ZNF385D: variants seen among roughly 807,000 people sequenced by gnomAD.
ZNF385D encodes the protein zinc finger protein 385D, also known as zinc finger protein 659.
Under a neutral mutation model 35.8 loss-of-function variants are expected in ZNF385D, and 15 were observed. The ratio of observed to expected loss-of-function variants is 0.42; its 90% CI spans 0.28 to 0.64. The LOEUF (loss-of-function observed/expected upper bound fraction) is 0.64, where lower values mean the gene tolerates loss of function less well. ZNF385D is among the 30% of genes least tolerant of loss of function. The probability of loss-of-function intolerance (pLI) is 0.23; values close to 1 mark genes in which losing one functional copy is unlikely to be tolerated. For synonymous variants in ZNF385D, 212 were observed against 186.8 expected (o/e 1.13, Z -1.10); for missense variants, 474 against 494.6 (o/e 0.96, Z 0.39).
intron 3 of ZNF385D, among the ~76,000 whole-genome samples, chr3:22,106,211 G>A (rs1702204994): frequency 6.6e-6 from 1 of 152,068 alleles, no homozygotes; most frequent in African/African-American, 2.4e-5. Context: ...TAAATATTAG[G>A]TTGTAAGGAA....
At chr3:22,204,020 C>T (rs369758355) in intron 2 of ZNF385D, among the ~76,000 whole-genome samples, 1 of 152,176 alleles carries the variant, frequency 6.6e-6, no homozygotes, top group African/African-American at 2.4e-5. Context: ...GGTTACAGTG[C>T]ACCTTGGGTG....
chr3:22,139,931 T>G (rs1704398146), intron 3 of ZNF385D, among the ~76,000 whole-genome samples: 1 of 152,006 alleles, frequency 6.6e-6, no homozygotes, highest in Non-Finnish European at 1.5e-5. Flanking sequence ...ATGGCTAAAA[T>G]GAAAAGAATA....
intron 3 of ZNF385D, among the ~76,000 whole-genome samples, chr3:21,975,752 T>C (rs866461415): frequency 5.7e-4 from 60 of 106,176 alleles, no homozygotes; most frequent in East Asian, 2.8e-3. Context: ...TATATATATA[T>C]ATACACACAC....
At position 22,271,510 on chromosome 3, in the gene ZNF385D, C is replaced by A. The variant is rs1298670601; in HGVS notation, c.106+100940G>T. 2.6e-5 allele frequency among the ~76,000 whole-genome samples: 4 copies of A among 151,846 alleles called. No homozygotes were observed. The South Asian group carries it at 8.3e-4, about 32-fold the overall frequency. ...TTGGAGCAAAACCCAGGCTTCTTAC[C>A]AAGTCCCCATTTAATCGGGCCTCAG... On this transcript the variant is annotated intron_variant, in intron 2 of 5. Transcript: ENST00000494108.
chr3:22,084,011 A>C (rs1031204239), intron 3 of ZNF385D, among the ~76,000 whole-genome samples: 1 of 152,192 alleles, frequency 6.6e-6, no homozygotes, highest in Non-Finnish European at 1.5e-5. Context: ...GAAATAAAAT[A>C]CTTTACAGAC....
chr3:22,304,940 AT>A (rs1306642617), intron 2 of ZNF385D, among the ~76,000 whole-genome samples: 1 of 152,124 alleles, frequency 6.6e-6, no homozygotes. Context: ...TGATTAAAGC[AT>A]TAAGTGCTTA....
intron 2 of ZNF385D, among the ~76,000 whole-genome samples, chr3:22,253,059 A>T (rs1351598724): frequency 1.3e-5 from 2 of 152,064 alleles, no homozygotes; most frequent in African/African-American, 4.8e-5. Context: ...TAATTGATAG[A>T]TGTTGGAAGA....
At chr3:21,945,143 TGC>T (rs1491365577) in intron 3 of ZNF385D, among the ~76,000 whole-genome samples, 1 of 130,872 alleles carries the variant, frequency 7.6e-6, no homozygotes. Context: ...TATATGTATA[TGC>T]ATATATATAT....
At chr3:21,590,405 G>T (rs1006733282) in intron 2 of ZNF385D, among the ~76,000 whole-genome samples, 1 of 152,086 alleles carries the variant, frequency 6.6e-6, no homozygotes, top group Admixed American at 6.5e-5. Flanking sequence ...TGGGTACGAG[G>T]TACATGTAGT....
chr3:22,141,236 A>G (rs1053230063), intron 3 of ZNF385D, among the ~76,000 whole-genome samples: 2 of 152,164 alleles, frequency 1.3e-5, no homozygotes, highest in East Asian at 1.9e-4. Flanking sequence ...CCAATTCTTC[A>G]GAGGGTGGCA....
chr3:21,762,044 A>ACTGGGTATATTCCCAAATG, intron 3 of ZNF385D, among the ~76,000 whole-genome samples: 1 of 151,250 alleles, frequency 6.6e-6, no homozygotes, highest in East Asian at 2.0e-4. Flanking sequence ...ATGCCCAGCT[A>ACTGGGTATATTCCCAAATG]ATTTTTATAT....
intron 2 of ZNF385D, among the ~76,000 whole-genome samples, chr3:21,663,911 A>ATTTATT (rs1348884771): frequency 5.5e-5 from 6 of 108,984 alleles, no homozygotes; most frequent in Admixed American, 1.9e-4. Flanking sequence ...ATATATATAT[A>ATTTATT]TATATATTTA....
At chr3:22,137,469 C>T (rs1244694436) in intron 3 of ZNF385D, among the ~76,000 whole-genome samples, 1 of 152,144 alleles carries the variant, frequency 6.6e-6, no homozygotes, top group Admixed American at 6.5e-5. Context: ...AAAGCTTATC[C>T]ACCATGATCA....
chr3:21,816,345 G>T (rs1258971729), intron 3 of ZNF385D, among the ~76,000 whole-genome samples: 2 of 151,896 alleles, frequency 1.3e-5, no homozygotes, highest in Admixed American at 6.6e-5. Flanking sequence ...TCAGGCAGGA[G>T]AAAAAAATAA....
At chr3:22,241,783 T>C (rs1205728088) in intron 2 of ZNF385D, among the ~76,000 whole-genome samples, 1 of 150,832 alleles carries the variant, frequency 6.6e-6, no homozygotes, top group Non-Finnish European at 1.5e-5. Flanking sequence ...TAGAAAATAA[T>C]AGTGATGAAT....
At chr3:21,736,978 C>T (rs967645689) in intron 1 of ZNF385D, among the ~76,000 whole-genome samples, 5 of 152,182 alleles carry the variant, frequency 3.3e-5, no homozygotes, top group African/African-American at 1.2e-4. Flanking sequence ...CTCGCTCCGT[C>T]GCCCAGGCTG....
At chr3:21,723,358 C>T (rs1027271328) in intron 1 of ZNF385D, among the ~76,000 whole-genome samples, 4 of 152,084 alleles carry the variant, frequency 2.6e-5, no homozygotes, top group Non-Finnish European at 5.9e-5. Context: ...CTCCTCAGAG[C>T]TAAAGGAGCG....
At chr3:22,007,742 T>C (rs1696303555) in intron 3 of ZNF385D, among the ~76,000 whole-genome samples, 1 of 152,100 alleles carries the variant, frequency 6.6e-6, no homozygotes, top group Non-Finnish European at 1.5e-5. Context: ...ATGTTAATAA[T>C]CATCACTTGT....
At chr3:22,141,079 C>G (rs1264587142) in intron 3 of ZNF385D, among the ~76,000 whole-genome samples, 1 of 152,044 alleles carries the variant, frequency 6.6e-6, no homozygotes, top group East Asian at 1.9e-4. Context: ...TTACTGTAGC[C>G]CATTTGAAAG....
Sources: allele counts gnomAD v4.1 joint callset (sites outside exome capture counted in the v4.1 genomes callset), GRCh38; gene constraint gnomAD v4.1.1; transcripts MANE v1.5; gene names NCBI Gene and HGNC (gene_info 2026-07-23, HGNC 2026-07-21).